The following CHRNB4 variants were observed in gnomAD, a reference collection of about 807,000 sequenced individuals.
CHRNB4 encodes neuronal acetylcholine receptor subunit beta-4.
A neutral mutation model predicts 40.4 loss-of-function variants in CHRNB4; 23 were observed. The ratio of observed to expected loss-of-function variants is 0.57; its 90% CI spans 0.41 to 0.81. CHRNB4 has a LOEUF of 0.81. Among genes scored for constraint, CHRNB4 ranks in the 30% least tolerant of loss-of-function variants. CHRNB4 has a pLI of 0.00. For missense variants in CHRNB4, 568 were observed against 670.6 expected (o/e 0.85, Z 1.69); for synonymous variants, 285 against 274.4 (o/e 1.04, Z -0.38).
At position 78,625,116 on chromosome 15, in the gene CHRNB4, C is replaced by A. The variant is rs748959164; in HGVS notation, c.*17G>T. Reference sequence around the variant, plus strand: ...CCCGGCCACTCACATCCTCTCACCCCACAACCCAGGGGGCCCTCAGTCACG... The same window carrying A: ...CCCGGCCACTCACATCCTCTCACCCAACAACCCAGGGGGCCCTCAGTCACG... On this transcript the variant is annotated 3_prime_UTR_variant, in exon 6 of 6. Coordinates refer to ENST00000261751, the MANE Select transcript of CHRNB4 (RefSeq NM_000750.5). The A allele has an allele frequency of 6.2e-7, 1 of 1,614,012 alleles. No individual in the cohort carries two copies. Among genetic ancestry groups the A allele is most frequent in the South Asian group, 1.1e-5 (1 of 91,092 alleles).
chr15:78,644,698 G>A (rs1468594656), upstream of CHRNB4, among the ~76,000 whole-genome samples: 2 of 152,096 alleles, frequency 1.3e-5, no homozygotes, highest in Admixed American at 6.5e-5. Flanking sequence ...ATGAATGGGA[G>A]GACTCAATAC....
chr15:78,659,710 G>T (rs2054237906), intron 1 of CHRNB4, among the ~76,000 whole-genome samples: 1 of 152,164 alleles, frequency 6.6e-6, no homozygotes, highest in Non-Finnish European at 1.5e-5. Context: ...CCTAAAATAT[G>T]GTTAGACAGA....
At chr15:78,640,155 AT>A (rs1456862262) in intron 1 of CHRNB4, among the ~76,000 whole-genome samples, 2 of 152,144 alleles carry the variant, frequency 1.3e-5, no homozygotes, top group African/African-American at 4.8e-5. Flanking sequence ...CTCCTTATAT[AT>A]TCCCTGACTC....
intron 4 of CHRNB4, 132 bp from the exon 5 acceptor site, chr15:78,630,077 G>T: frequency 2.0e-6 from 2 of 982,288 alleles, no homozygotes; most frequent in Non-Finnish European, 2.8e-6. Context: ...GGCCCTCACT[G>T]AAAGGAGGGG....
At chr15:78,634,449 A>T (rs2053903274) in intron 2 of CHRNB4, among the ~76,000 whole-genome samples, 1 of 152,216 alleles carries the variant, frequency 6.6e-6, no homozygotes, top group Non-Finnish European at 1.5e-5. Context: ...GGAGAGGGGC[A>T]GAGAGTACAC....
chr15:78,651,891 G>T (rs929963517), intron 6 of CHRNB4, among the ~76,000 whole-genome samples: 1 of 152,166 alleles, frequency 6.6e-6, no homozygotes, highest in Admixed American at 6.5e-5. Flanking sequence ...TGCCCCACAC[G>T]AGCCCAAAAG....
intron 2 of CHRNB4, among the ~76,000 whole-genome samples, chr15:78,633,375 G>T (rs567793470): frequency 7.4e-4 from 113 of 152,270 alleles, no homozygotes; most frequent in African/African-American, 2.7e-3. Flanking sequence ...AGTTCTGATA[G>T]GTACCCAGAT....
chr15:78,645,368 G>A, upstream of CHRNB4, among the ~76,000 whole-genome samples: 1 of 152,044 alleles, frequency 6.6e-6, no homozygotes, highest in Non-Finnish European at 1.5e-5. Flanking sequence ...ATGTATCCCT[G>A]CCTGGCATGC....
chr15:78,648,168 T>C (rs1449516115), intron 7 of CHRNB4, among the ~76,000 whole-genome samples: 1 of 151,296 alleles, frequency 6.6e-6, no homozygotes, highest in Non-Finnish European at 1.5e-5. Context: ...CCTAGGCGGG[T>C]GGATCACGAG....
At position 78,631,331 on chromosome 15, in the gene CHRNB4, T is replaced by C. The variant is rs1462344928; in HGVS notation, c.206A>G (p.Asn69Ser). ...QLSLAQLISVNEREQIMTTNV... is the reference protein window; with the variant it reads ...QLSLAQLISVSEREQIMTTNV... ...GGTGGTCATGATCTGCTCTCGCTCATTCTGGGGAGGGAAACGGGGCTATCA... is the reference window on the plus strand; with the variant it reads ...GGTGGTCATGATCTGCTCTCGCTCACTCTGGGGAGGGAAACGGGGCTATCA... The change falls in exon 3 of 6, where the codon AAT becomes AGT. Residue 69 changes from asparagine to serine, a missense_variant and splice_region_variant. Transcript: ENST00000261751. 4 of 1,613,690 alleles carry C rather than the reference T, an allele frequency of 2.5e-6. No homozygotes were observed. The highest frequency in any genetic ancestry group is 3.4e-6 in the Non-Finnish European group (4 of 1,179,978).
chr15:78,628,386 A>G (rs142921157), intron 5 of CHRNB4, among the ~76,000 whole-genome samples: 36 of 152,190 alleles, frequency 2.4e-4, no homozygotes, highest in African/African-American at 8.4e-4. Context: ...CCAGCCTTCC[A>G]TTTCTGGCAC....
rs546948694 is a variant in CHRNB4 at position 78,624,968 on chromosome 15, C to T, written c.*165G>A. Reference sequence around the variant, plus strand: ...CCTCCAAGGCATTCAGAGAGGACAGCCCAGGCCCCCATCCTTGCCTGTTCC... The same window carrying T: ...CCTCCAAGGCATTCAGAGAGGACAGTCCAGGCCCCCATCCTTGCCTGTTCC... On this transcript the variant is annotated 3_prime_UTR_variant, in exon 6 of 6. Transcript: ENST00000261751. 2.6e-6 allele frequency: 4 copies of T among 1,550,532 alleles called. No homozygotes were observed. Among genetic ancestry groups the T allele is most frequent in the Admixed American group, 3.8e-5 (2 of 52,830 alleles).
At position 78,657,803 on chromosome 15, in the gene CHRNB4, C is replaced by T. The variant is rs190215532; in HGVS notation, c.-760-420G>A. Reference sequence around the variant, plus strand: ...TCCTGCCCTCATGATCTGCCCGCCTCGGCCTCCCAAAGTGCTGGAATTACA... The same window carrying T: ...TCCTGCCCTCATGATCTGCCCGCCTTGGCCTCCCAAAGTGCTGGAATTACA... On this transcript the variant is annotated intron_variant and NMD_transcript_variant, in intron 2 of 11. Transcript: ENST00000559849. Among the ~76,000 whole-genome samples, 316 of 151,530 alleles carry T rather than the reference C, an allele frequency of 2.1e-3. 2 individuals carry two copies. Among genetic ancestry groups the T allele is most frequent in the Non-Finnish European group, 2.4e-3 (166 of 67,806 alleles).
intron 7 of CHRNB4, among the ~76,000 whole-genome samples, chr15:78,647,722 T>G (rs1596122391): frequency 6.8e-6 from 1 of 147,282 alleles, no homozygotes. Flanking sequence ...TAGCCGGGCG[T>G]GGTGGCAGGC....
intron 2 of CHRNB4, chr15:78,658,242 G>C (rs1236275234): frequency 6.6e-6 from 1 of 152,032 alleles, no homozygotes; most frequent in Non-Finnish European, 1.5e-5. Flanking sequence ...TGTTGGCCAG[G>C]CTGGTCTTGA....
intron 4 of CHRNB4, 167 bp downstream of exon 4, chr15:78,630,909 G>A: frequency 5.0e-6 from 3 of 604,874 alleles, no homozygotes; most frequent in Non-Finnish European, 8.8e-6. Context: ...CTGTAACTGA[G>A]GGCTCTGGCT....
chr15:78,641,493 C>T (rs1270508351), upstream of CHRNB4, among the ~76,000 whole-genome samples: 1 of 152,226 alleles, frequency 6.6e-6, no homozygotes, highest in Admixed American at 6.5e-5. Context: ...GATCCCTCTA[C>T]TGTTGGGGAA....
At chr15:78,643,927 A>T (rs937006921), upstream of CHRNB4, among the ~76,000 whole-genome samples, 1 of 151,360 alleles carries the variant, frequency 6.6e-6, no homozygotes, top group South Asian at 2.1e-4. Context: ...AGGCGGGCGG[A>T]TCACGATGTC....
In CHRNB4 at chr15:78,624,822, G is replaced by T; in HGVS notation, c.*311C>A. 1 of 723,108 alleles carries T rather than the reference G, an allele frequency of 1.4e-6. No homozygotes were observed. Among genetic ancestry groups the T allele is most frequent in the Non-Finnish European group, 2.2e-6 (1 of 464,534 alleles). The allele number at this position is 723,108 out of a possible 1,614,324, so 44.8% of individuals were successfully genotyped here. Reference sequence around the variant, plus strand: ...TGATGGAGAGGCAGGCCGGCACCATGCCTGAAGCATAGTAGGTGCTGCTAC... The same window carrying T: ...TGATGGAGAGGCAGGCCGGCACCATTCCTGAAGCATAGTAGGTGCTGCTAC... On this transcript the variant is annotated 3_prime_UTR_variant, in exon 6 of 6. Coordinates refer to ENST00000261751, the MANE Select transcript of CHRNB4 (RefSeq NM_000750.5).
Sources: gnomAD v4.1 joint callset for allele counts (sites outside exome capture counted in the v4.1 genomes callset) on GRCh38, gnomAD v4.1.1 for gene constraint, MANE v1.5 for transcripts, NCBI Gene and HGNC (gene_info 2026-07-23, HGNC 2026-07-21) for gene names.